NCKAP5: variants seen among roughly 807,000 people sequenced by gnomAD.
NCKAP5 encodes the protein nck-associated protein 5.
In NCKAP5, 92 loss-of-function variants were observed where a neutral mutation model predicts 167.0. The observed-to-expected ratio is 0.55, with a 90% confidence interval of 0.47 to 0.66. The LOEUF is 0.66. Among genes scored for constraint, NCKAP5 ranks in the 30% least tolerant of loss-of-function variants. The pLI, the probability that NCKAP5 is intolerant of heterozygous loss-of-function variation, is 0.00. For synonymous variants in NCKAP5, 891 were observed against 877.4 expected (o/e 1.02, Z -0.27); for missense variants, 2,378 against 2,315.0 (o/e 1.03, Z -0.56).
intron 16 of NCKAP5, among the ~76,000 whole-genome samples, chr2:132,744,084 A>C (rs1390058552): frequency 6.6e-6 from 1 of 151,710 alleles, no homozygotes; most frequent in East Asian, 1.9e-4. Context: ...GTCAGATCTA[A>C]AATTAAAATG....
chr2:133,111,898 G>A (rs528244406), intron 6 of NCKAP5, among the ~76,000 whole-genome samples: 1 of 152,152 alleles, frequency 6.6e-6, no homozygotes, highest in Non-Finnish European at 1.5e-5. Flanking sequence ...AGGAAGAAAG[G>A]GACATAGCAC....
chr2:133,103,224 T>C (rs1214298412), intron 6 of NCKAP5, among the ~76,000 whole-genome samples: 2 of 152,244 alleles, frequency 1.3e-5, no homozygotes, highest in Non-Finnish European at 2.9e-5. Flanking sequence ...TACTATTCTA[T>C]GTTTGACTAT....
At chr2:132,826,422 G>A (rs1000285388) in intron 11 of NCKAP5, among the ~76,000 whole-genome samples, 3 of 152,268 alleles carry the variant, frequency 2.0e-5, no homozygotes, top group Middle Eastern at 3.4e-3. Context: ...TATGCATATT[G>A]TACTCAGGAA....
At chr2:133,129,754 A>G (rs2082533788) in intron 6 of NCKAP5, among the ~76,000 whole-genome samples, 1 of 152,238 alleles carries the variant, frequency 6.6e-6, no homozygotes, top group African/African-American at 2.4e-5. Flanking sequence ...AGGAAAGAAA[A>G]GACAACCAGT....
chr2:132,941,894 A>T (rs1408423767), intron 8 of NCKAP5, among the ~76,000 whole-genome samples: 1 of 152,204 alleles, frequency 6.6e-6, no homozygotes. Context: ...GTGTTCATTC[A>T]TCACTGTTGT....
At chr2:133,387,147 T>C (rs1488541667) in intron 3 of NCKAP5, among the ~76,000 whole-genome samples, 1 of 152,212 alleles carries the variant, frequency 6.6e-6, no homozygotes, top group Non-Finnish European at 1.5e-5. Flanking sequence ...AACTTGATGG[T>C]CTTTACAATT....
chr2:133,250,248 C>T (rs768922115), intron 4 of NCKAP5, among the ~76,000 whole-genome samples: 3 of 151,998 alleles, frequency 2.0e-5, no homozygotes, highest in South Asian at 2.1e-4. Context: ...AGGACCTTGA[C>T]GTGAGGGTGA....
intron 7 of NCKAP5, among the ~76,000 whole-genome samples, chr2:132,970,380 C>A (rs1221342444): frequency 1.3e-5 from 2 of 152,108 alleles, no homozygotes; most frequent in Admixed American, 1.3e-4. Flanking sequence ...GAAAAATTAG[C>A]CAGGCCCACT....
At chr2:133,047,084 A>G (rs143574192) in intron 6 of NCKAP5, among the ~76,000 whole-genome samples, 1 of 152,340 alleles carries the variant, frequency 6.6e-6, no homozygotes, top group East Asian at 1.9e-4. Context: ...ACCTTAGTAA[A>G]TTCAATGACA....
intron 19 of NCKAP5, among the ~76,000 whole-genome samples, chr2:132,709,188 T>G (rs980492940): frequency 6.6e-6 from 1 of 151,764 alleles, no homozygotes; most frequent in Non-Finnish European, 1.5e-5. Flanking sequence ...TAAAAAAAAG[T>G]TTTTAAACCC....
At chr2:132,723,574 A>G (rs1018809384) in intron 19 of NCKAP5, among the ~76,000 whole-genome samples, 2 of 151,994 alleles carry the variant, frequency 1.3e-5, no homozygotes, top group African/African-American at 4.8e-5. Context: ...CAAATAAAAG[A>G]GAAAAGAAGG....
chr2:133,064,831 CA>C (rs1169142776), intron 6 of NCKAP5, among the ~76,000 whole-genome samples: 1 of 152,138 alleles, frequency 6.6e-6, no homozygotes, highest in Non-Finnish European at 1.5e-5. Context: ...TTAGTAACCA[CA>C]TTCATATAAT....
intron 6 of NCKAP5, among the ~76,000 whole-genome samples, chr2:133,012,840 C>T (rs1317829156): frequency 6.6e-6 from 1 of 152,100 alleles, no homozygotes; most frequent in Non-Finnish European, 1.5e-5. Context: ...CCTAAATCTC[C>T]AAGCCTACAC....
intron 4 of NCKAP5, among the ~76,000 whole-genome samples, chr2:133,242,259 C>CA (rs1553599543): frequency 7.2e-6 from 1 of 138,844 alleles, no homozygotes; most frequent in African/African-American, 2.9e-5. Flanking sequence ...CTTTTCTTTT[C>CA]TTTTTTTTTT....
intron 4 of NCKAP5, among the ~76,000 whole-genome samples, chr2:133,271,902 C>T (rs1049240504): frequency 1.4e-4 from 21 of 152,212 alleles, no homozygotes; most frequent in African/African-American, 4.8e-4. Context: ...ATCTAACACA[C>T]ATTTTGGAAA....
At chr2:133,222,016 T>G (rs1344233557) in intron 4 of NCKAP5, among the ~76,000 whole-genome samples, 1 of 152,226 alleles carries the variant, frequency 6.6e-6, no homozygotes, top group Non-Finnish European at 1.5e-5. Context: ...TGATATTTAT[T>G]GAATAGTTGC....
chr2:132,777,293 G>A (rs1266533409), intron 15 of NCKAP5, among the ~76,000 whole-genome samples: 3 of 152,142 alleles, frequency 2.0e-5, no homozygotes, highest in Non-Finnish European at 4.4e-5. Flanking sequence ...TTTCTAGGAA[G>A]GGCAGGAAGA....
chr2:133,220,074 G>A (rs2086597347), intron 4 of NCKAP5, among the ~76,000 whole-genome samples: 1 of 152,112 alleles, frequency 6.6e-6, no homozygotes, highest in Non-Finnish European at 1.5e-5. Flanking sequence ...AAAGAATGCT[G>A]GATTTGCAAG....
rs147573212 is a variant in NCKAP5, at chr2:132,843,700, A to T, written c.807+16792T>A. Among the ~76,000 whole-genome samples, 33 of 152,078 alleles carry T rather than the reference A, an allele frequency of 2.2e-4. 1 individual carries two copies. In the East Asian group the frequency reaches 6.4e-3, roughly 29 times the overall value. ...TCTTTTTACCATACATTTTAGTGTC[A>T]AGTTGGTATACTTAATTTTATTTCT... On this transcript the variant is annotated intron_variant, in intron 11 of 19. Coordinates refer to ENST00000409261, the MANE Select transcript of NCKAP5 (RefSeq NM_207363.3).
Sources: allele counts gnomAD v4.1 joint callset (sites outside exome capture counted in the v4.1 genomes callset), GRCh38; gene constraint gnomAD v4.1.1; transcripts MANE v1.5; gene names NCBI Gene and HGNC (gene_info 2026-07-23, HGNC 2026-07-21).